Variants in MYO18B observed in about 807,000 individuals in gnomAD.
MYO18B encodes unconventional myosin-XVIIIb.
In MYO18B, 204 loss-of-function variants were observed where a neutral mutation model predicts 273.0. The observed-to-expected ratio is 0.75, with a 90% CI of 0.67 to 0.84. The LOEUF is 0.84. MYO18B is among the 40% of genes least tolerant of loss of function. The pLI is 0.00. For synonymous variants in MYO18B, 1,330 were observed against 1,305.7 expected (o/e 1.02, Z -0.40); for missense variants, 3,212 against 3,287.6 (o/e 0.98, Z 0.56).
Position 25,770,143 on chromosome 22 carries a change from G to A in MYO18B, c.1546G>A (p.Val516Ile), listed in dbSNP as rs766595513. 6.2e-7 allele frequency: 1 copy of A among 1,613,956 alleles called. No individual in the cohort carries two copies. The highest frequency in any genetic ancestry group is 8.5e-7 in the Non-Finnish European group (1 of 1,179,868). Residue 516 changes from valine (V) to isoleucine (I), a missense_variant, in exon 5 of 44, where the codon GTC (valine) becomes ATC (isoleucine). Transcript: ENST00000335473. ...PEDRWYEAEK[V>I]WLAQKDGFTL... ...GGACAGATGGTATGAGGCAGAGAAA[G>A]TCTGGCTGGCTCAGAAGGATGGATT...
intron 11 of MYO18B, among the ~76,000 whole-genome samples, chr22:25,787,884 A>G (rs4822654): frequency 0.98 from 148,464 of 152,188 alleles, 72,466 homozygotes; most frequent in Non-Finnish European, 0.99. Flanking sequence ...TTTCTCATTC[A>G]TTTAATGAGC....
chr22:25,878,260 AC>A (rs1339442411), intron 25 of MYO18B, among the ~76,000 whole-genome samples: 5 of 152,184 alleles, frequency 3.3e-5, no homozygotes, highest in Non-Finnish European at 5.9e-5. Flanking sequence ...AGGCTGCACA[AC>A]CGGCAAGTGT....
At chr22:25,772,312 A>C in intron 6 of MYO18B, 22 bp from the exon 7 acceptor site, 1 of 1,606,792 alleles carries the variant, frequency 6.2e-7, no homozygotes, top group Non-Finnish European at 8.5e-7. Context: ...GCCAGAGGAG[A>C]CTCTGTGTGA....
chr22:25,745,067 C>T (rs2085738018), intron 1 of MYO18B, among the ~76,000 whole-genome samples: 1 of 152,160 alleles, frequency 6.6e-6, no homozygotes, highest in African/African-American at 2.4e-5. Context: ...AAGGATAAAC[C>T]TCAGCTCTCA....
At chr22:26,037,876 G>A in the MYO18B span, among the ~76,000 whole-genome samples, 3 of 152,222 alleles carry the variant, frequency 2.0e-5, no homozygotes, top group Non-Finnish European at 2.9e-5. Flanking sequence ...CATGGCTCAT[G>A]GTCCATGGAC....
At chr22:25,763,436 C>T (rs779045808) in intron 3 of MYO18B, 47 bp downstream of exon 3, 55 of 1,574,400 alleles carry the variant, frequency 3.5e-5, no homozygotes, top group Middle Eastern at 1.9e-4. Context: ...CCATACCCAT[C>T]ATTCTGTCTT....
In MYO18B at chr22:25,890,791, C is replaced by T. The variant is rs1569157364; in HGVS notation, c.4350C>T (p.Arg1450=). 6.2e-7 allele frequency: 1 copy of T among 1,613,978 alleles called. No homozygotes were observed. Among genetic ancestry groups the T allele is most frequent in the East Asian group, 2.2e-5 (1 of 44,878 alleles). ...TGACCTCTGACCTTGCCGATGAGCG[C>T]TTCAAAGGTGATGTGGCCTGCCAGG... ...ADLTSDLADE[R]FKGDVACQVL... The change falls in exon 26 of 44, where the codon CGC becomes CGT. Residue 1450 remains arginine, a synonymous_variant. Transcript: ENST00000335473.
chr22:25,797,014 G>C (rs2087944575), intron 11 of MYO18B, among the ~76,000 whole-genome samples: 1 of 152,194 alleles, frequency 6.6e-6, no homozygotes, highest in Non-Finnish European at 1.5e-5. Context: ...GATCACTTGA[G>C]GTCAGGAGTT....
chr22:26,029,842 C>T (rs1028089025), intron 43 of MYO18B, among the ~76,000 whole-genome samples: 1 of 152,138 alleles, frequency 6.6e-6, no homozygotes, highest in African/African-American at 2.4e-5. Flanking sequence ...CCTAAAGTAA[C>T]GCTGTGGATT....
At chr22:25,746,523 G>T (rs1344944804) in intron 1 of MYO18B, among the ~76,000 whole-genome samples, 3 of 152,136 alleles carry the variant, frequency 2.0e-5, no homozygotes. Context: ...CCCAGTAGAT[G>T]CAGGTAGCAC....
In MYO18B at chr22:25,870,663, C is replaced by G. The variant is rs1035795536; in HGVS notation, c.3951+2278C>G. Reference sequence around the variant, plus strand: ...CTCCAGGAACTTCATCCTTCTAGACCAGCAGTTCTCAAAGTATGGGCCCTG... The same window carrying G: ...CTCCAGGAACTTCATCCTTCTAGACGAGCAGTTCTCAAAGTATGGGCCCTG... On this transcript the variant is annotated intron_variant, in intron 22 of 43. Transcript: ENST00000335473. 2.6e-5 allele frequency among the ~76,000 whole-genome samples: 4 copies of G among 152,186 alleles called. No homozygotes were observed. In the East Asian group the frequency reaches 7.7e-4, roughly 29 times the overall value.
intron 6 of MYO18B, among the ~76,000 whole-genome samples, chr22:25,772,060 T>C (rs2086739632): frequency 6.6e-6 from 1 of 152,232 alleles, no homozygotes; most frequent in South Asian, 2.1e-4. Flanking sequence ...AAGTCTGCCT[T>C]GGGAGCGTCT....
At chr22:25,989,683 A>G (rs998156632) in intron 39 of MYO18B, among the ~76,000 whole-genome samples, 12 of 139,058 alleles carry the variant, frequency 8.6e-5, no homozygotes, top group African/African-American at 2.9e-4. Context: ...CTGTAGTGCC[A>G]GTTACTTGGG....
chr22:25,998,525 A>G (rs546149969), intron 40 of MYO18B, among the ~76,000 whole-genome samples: 33 of 152,330 alleles, frequency 2.2e-4, no homozygotes, highest in African/African-American at 5.8e-4. Flanking sequence ...ACATTTTCCA[A>G]CGTACATCCT....
chr22:25,843,743 G>A lies in MYO18B; in HGVS notation c.3217G>A (p.Ala1073Thr). 1 of 1,613,152 alleles carries A rather than the reference G, an allele frequency of 6.2e-7. No individual in the cohort carries two copies. The highest frequency in any genetic ancestry group is 8.5e-7 in the Non-Finnish European group (1 of 1,179,188). Residue 1073 changes from alanine (A) to threonine (T), a missense_variant, in exon 18 of 44, where the codon GCC becomes ACC. Ala to Thr is a moderately conservative substitution (Grantham distance 58). Transcript: ENST00000335473. ...ACCATGTCTGTTTCCAGGGTCCTCT[G>A]CCCTGCGGACCTGTGAGCAGCCCCT... ...KKGAGTEGSSALRTCEQPLQC... is the reference protein window; with the variant it reads ...KKGAGTEGSSTLRTCEQPLQC...
At chr22:25,811,384 A>G (rs1185848771) in intron 12 of MYO18B, among the ~76,000 whole-genome samples, 1 of 152,156 alleles carries the variant, frequency 6.6e-6, no homozygotes, top group Non-Finnish European at 1.5e-5. Context: ...AAAATCACAC[A>G]TAACATTCCA....
intron 1 of MYO18B, among the ~76,000 whole-genome samples, chr22:25,747,097 G>T (rs2085802361): frequency 6.6e-6 from 1 of 152,094 alleles, no homozygotes; most frequent in Non-Finnish European, 1.5e-5. Flanking sequence ...ACTCCAGCCT[G>T]GGCAACAGAG....
chr22:25,806,359 T>C (rs1019370921), intron 12 of MYO18B, among the ~76,000 whole-genome samples: 1 of 152,152 alleles, frequency 6.6e-6, no homozygotes, highest in Non-Finnish European at 1.5e-5. Context: ...CTCCTGGGCT[T>C]AGTCAGTTTA....
intron 36 of MYO18B, among the ~76,000 whole-genome samples, chr22:25,948,934 G>C (rs1421744562): frequency 6.6e-6 from 1 of 151,970 alleles, no homozygotes; most frequent in Non-Finnish European, 1.5e-5. Flanking sequence ...GGGACATTGG[G>C]GATTGGGGGT....
Sources: allele counts gnomAD v4.1 joint callset (sites outside exome capture counted in the v4.1 genomes callset), GRCh38; gene constraint gnomAD v4.1.1; transcripts MANE v1.5; gene names NCBI Gene and HGNC (gene_info 2026-07-23, HGNC 2026-07-21).